Variants in BAP1 observed in about 807,000 individuals in gnomAD.
BAP1 encodes BRCA1 associated deubiquitinase 1.
Under a neutral mutation model 77.2 loss-of-function variants are expected in BAP1, and 16 were observed. The ratio of observed to expected loss-of-function variants is 0.21; its 90% CI spans 0.14 to 0.31. The LOEUF is 0.31. Ranked by LOEUF, BAP1 falls within the 10% of genes least tolerant of loss-of-function variation. The pLI, the probability that BAP1 is intolerant of heterozygous loss-of-function variation, is 1.00. For synonymous variants in BAP1, 362 were observed against 385.2 expected, an observed-to-expected ratio of 0.94 and a Z score of 0.71; for missense variants, 699 against 967.3, an observed-to-expected ratio of 0.72 and a Z score of 3.68.
intron 4 of BAP1, 45 bp downstream of exon 4, chr3:52,408,429 A>G (rs760948671): frequency 1.9e-6 from 3 of 1,602,150 alleles, no homozygotes; most frequent in Admixed American, 1.7e-5. Flanking sequence ...AAGCAAAAAC[A>G]TGGCAGCATC....
chr3:52,405,196 T>G lies in BAP1; in HGVS notation c.1030A>C (p.Asn344His), dbSNP rs1332735229. ...LVVKPPGSSLNGVHPNPTPIV... is the reference protein window; with the variant it reads ...LVVKPPGSSLHGVHPNPTPIV... ...GGAGTGGGGTTGGGGTGAACCCCATTGAGGCTGCTGCCTGGAGGCTTCACC... is the reference window on the plus strand; with the variant it reads ...GGAGTGGGGTTGGGGTGAACCCCATGGAGGCTGCTGCCTGGAGGCTTCACC... Residue 344 changes from asparagine (N) to histidine (H), a missense_variant, in exon 11 of 17, where the codon AAT becomes CAT. Transcript: ENST00000460680. The G allele has an allele frequency of 6.2e-6, 10 of 1,613,960 alleles. No individual in the cohort carries two copies. The highest frequency in any genetic ancestry group is 8.5e-6 in the Non-Finnish European group (10 of 1,180,026).
intron 5 of BAP1, among the ~76,000 whole-genome samples, chr3:52,407,737 G>A (rs1271465272): frequency 6.6e-6 from 1 of 152,206 alleles, no homozygotes; most frequent in Admixed American, 6.5e-5. Flanking sequence ...TCTGACTTAA[G>A]GAAACTCTCC....
intron 5 of BAP1, 132 bp downstream of exon 5, chr3:52,407,826 T>C (rs1705213973): frequency 2.8e-6 from 4 of 1,431,034 alleles, no homozygotes; most frequent in Admixed American, 2.0e-5. Flanking sequence ...AAGAGTCAAA[T>C]GTAACATAAA....
At chr3:52,407,020 C>T (rs1343486453) in intron 7 of BAP1, 113 bp from the exon 8 acceptor site, 10 of 1,489,020 alleles carry the variant, frequency 6.7e-6, no homozygotes, top group South Asian at 4.8e-5. Flanking sequence ...AGGAGCTGGT[C>T]GGGCAATATG....
At chr3:52,404,129 G>A (rs1256350528) in intron 12 of BAP1, among the ~76,000 whole-genome samples, 1 of 152,162 alleles carries the variant, frequency 6.6e-6, no homozygotes, top group African/African-American at 2.4e-5. Context: ...CTGGCCTTTT[G>A]CCAATGCCCT....
intron 5 of BAP1, 141 bp downstream of exon 5, chr3:52,407,815 TAA>T (rs1705213306): frequency 7.3e-7 from 1 of 1,378,884 alleles, no homozygotes; most frequent in African/African-American, 1.4e-5. Flanking sequence ...ACAATTTATT[TAA>T]GAGTCAAATG....
At chr3:52,405,331 AG>A in intron 10 of BAP1, 37 bp from the exon 11 acceptor site, 1 of 1,611,306 alleles carries the variant, frequency 6.2e-7, no homozygotes, top group Non-Finnish European at 8.5e-7. Context: ...GACCTCCAGT[AG>A]GATCTCCAAG....
chr3:52,406,718 G>T lies in BAP1; in HGVS notation c.659+111C>A. 2.4e-6 allele frequency: 3 copies of T among 1,245,694 alleles called. No individual in the cohort carries two copies. The highest frequency in any genetic ancestry group is 2.3e-6 in the Non-Finnish European group (2 of 878,612). 77.2% of individuals were successfully genotyped at this position (1,245,694 alleles called of 1,614,324 possible). A position where few individuals can be genotyped will look rare whatever the true frequency, so the allele number is the denominator to read the frequency against. Reference sequence around the variant, plus strand: ...GAACCCATGATCTAAGCCTGATCTTGCCAGATTCACCATATGGCCTTGCAA... The same window carrying T: ...GAACCCATGATCTAAGCCTGATCTTTCCAGATTCACCATATGGCCTTGCAA... On this transcript the variant is annotated intron_variant, in intron 8 of 16. Coordinates refer to ENST00000460680, the MANE Select transcript of BAP1 (RefSeq NM_004656.4). The surrounding 1 kb of genome is among the most constrained non-coding windows in gnomAD (Gnocchi z 4.6).
intron 2 of BAP1, 46 bp downstream of exon 2, chr3:52,409,668 G>T: frequency 6.2e-7 from 1 of 1,614,108 alleles, no homozygotes. Context: ...AGGGCGCAGG[G>T]GTGGGCCGCC....
At position 52,403,729 on chromosome 3, in the gene BAP1, C is replaced by T. The variant is rs375433595; in HGVS notation, c.1416G>A (p.Gly472=). Residue 472 remains glycine (G), a synonymous_variant, in exon 13 of 17, where the codon GGG becomes GGA. Transcript: ENST00000460680. This position sits in a 1 kb window ranked among gnomAD's most constrained non-coding sequence, Gnocchi z 4.0. ...PLSIKTSSGA[G]SPAVAVPTHS... ...GTGTGGGCACTGCCACAGCCGGACT[C>T]CCAGCCCCGCTGCTAGTCTTGATGG... The T allele has an allele frequency of 3.9e-5, 63 of 1,613,914 alleles. No individual in the cohort carries two copies. Among genetic ancestry groups the T allele is most frequent in the Non-Finnish European group, 5.2e-5 (61 of 1,180,018 alleles).
chr3:52,402,224 C>T lies in BAP1; in HGVS notation c.*64G>A. The T allele has an allele frequency of 1.9e-6, 3 of 1,571,632 alleles. No homozygotes were observed. The highest frequency in any genetic ancestry group is 2.6e-6 in the Non-Finnish European group (3 of 1,161,082). ...AATACTGGGAAAAGGGGAAGTGGGG[C>T]AGGGAAGGACCCTGGTGAGGGCCAC... On this transcript the variant is annotated 3_prime_UTR_variant, in exon 17 of 17. Transcript: ENST00000460680. This position sits in a 1 kb window ranked among gnomAD's most constrained non-coding sequence, Gnocchi z 5.3.
Position 52,402,564 on chromosome 3 carries a change from C to T in BAP1, c.2056+38G>A, listed in dbSNP as rs774286497. The T allele has an allele frequency of 3.1e-6, 5 of 1,613,002 alleles. No individual in the cohort carries two copies. Among genetic ancestry groups the T allele is most frequent in the Non-Finnish European group, 4.2e-6 (5 of 1,179,128 alleles). ...GGGAGCTGAAGGACACGGCCCTCAG[C>T]AGGGCATTCCAGTTAAGACAGCAGC... is the stretch of plus-strand genomic sequence containing the variant. On this transcript the variant is annotated intron_variant, in intron 16 of 16. Transcript: ENST00000460680. This position sits in a 1 kb window ranked among gnomAD's most constrained non-coding sequence, Gnocchi z 5.3.
At chr3:52,409,017 G>A (rs1455076898) in intron 3 of BAP1, among the ~76,000 whole-genome samples, 2 of 152,216 alleles carry the variant, frequency 1.3e-5, no homozygotes, top group Non-Finnish European at 2.9e-5. Context: ...GAAAGCAAAT[G>A]AACACCCACA....
Position 52,403,622 on chromosome 3 carries a change from C to T in BAP1, c.1523G>A (p.Arg508His), listed in dbSNP as rs1553644908. The change falls in exon 13 of 17, where the codon CGC becomes CAC. Residue 508 changes from arginine to histidine, a missense_variant. By Grantham distance (29) the Arg-to-His change is conservative (BLOSUM62 0). Coordinates refer to ENST00000460680, the MANE Select transcript of BAP1 (RefSeq NM_004656.4). This position sits in a 1 kb window ranked among gnomAD's most constrained non-coding sequence, Gnocchi z 4.0. ...EIGSAFNSPL[R>H]SPIRSANPTR... Reference sequence around the variant, plus strand: ...CGGGTTGGCTGAGCGGATAGGCGAGCGCAGTGGCGAGTTGAAAGCACTGCC... The same window carrying T: ...CGGGTTGGCTGAGCGGATAGGCGAGTGCAGTGGCGAGTTGAAAGCACTGCC... 3.7e-6 allele frequency: 6 copies of T among 1,614,006 alleles called. No homozygotes were observed. The highest frequency in any genetic ancestry group is 4.2e-6 in the Non-Finnish European group (5 of 1,179,958).
rs1705235390 is a variant in BAP1 at position 52,408,489 on chromosome 3, CAT to C, written c.238_239del (p.Met80ValfsTer45). 1 of 1,611,870 alleles carries C rather than the reference CAT, an allele frequency of 6.2e-7. No individual in the cohort carries two copies. The highest frequency in any genetic ancestry group is 8.5e-7 in the Non-Finnish European group (1 of 1,179,096). ...TCCAGCAGACCTGGTGGGCAAAGAA[CAT>C]GTTATTCACAATATCATCATCAATC... Reference protein sequence around the residue: ...SVIDDDIVNNMFFAHQLIPNS... With the variant: ...SVIDDDIVNNXFFAHQLIPNS... On this transcript the variant is annotated frameshift_variant, in exon 4 of 17. Transcript: ENST00000460680. LOFTEE classifies it high-confidence loss of function.
At position 52,404,574 on chromosome 3, in the gene BAP1, G is replaced by C. The variant is rs376033003; in HGVS notation, c.1129C>G (p.Leu377Val). 2.5e-6 allele frequency: 4 copies of C among 1,613,518 alleles called. No homozygotes were observed. Among genetic ancestry groups the C allele is most frequent in the Non-Finnish European group, 3.4e-6 (4 of 1,179,886 alleles). The change falls in exon 12 of 17, where the codon CTG (leucine) becomes GTG (valine). Residue 377 changes from leucine (L) to valine (V), a missense_variant. This residue lies in a region of BAP1 where 475 missense variants were observed against 532.4 expected (regional missense o/e 0.89). Transcript: ENST00000460680. Reference protein sequence around the residue: ...AKSPMQEEEDLAAGVGRSRVP... With the variant: ...AKSPMQEEEDVAAGVGRSRVP... ...CGGCTGCGGCCCACACCTGCCGCCA[G>C]GTCTTCTTCCTCCTGGGACAAAGAC... is the stretch of plus-strand genomic sequence containing the variant.
At chr3:52,408,712 C>A in intron 3 of BAP1, 106 bp from the exon 4 acceptor site, 1 of 1,384,894 alleles carries the variant, frequency 7.2e-7, no homozygotes. Context: ...ACTCAGGTGT[C>A]CTTGCTGTGA....
rs776641550 is a variant in BAP1 at position 52,407,465 on chromosome 3, G to A, written c.376-5C>T. 9 of 1,614,130 alleles carry A rather than the reference G, an allele frequency of 5.6e-6. No individual in the cohort carries two copies. The highest frequency in any genetic ancestry group is 2.2e-5 in the East Asian group (1 of 44,892). On this transcript the variant is annotated splice_polypyrimidine_tract_variant and splice_region_variant and intron_variant, in intron 5 of 16. Transcript: ENST00000460680. ...GCCAATCGCATATCCTTTGCTCTAC[G>A]GGGAAGAAAATAAGGCCGTATCAGA... is the stretch of plus-strand genomic sequence containing the variant.
chr3:52,405,357 T>A, intron 10 of BAP1, 63 bp from the exon 11 acceptor site: 1 of 1,598,288 alleles, frequency 6.3e-7, no homozygotes, highest in Non-Finnish European at 8.5e-7. Context: ...GCTCACAGTC[T>A]CCCCGGCCCT....
Sources: gnomAD v4.1 joint callset for allele counts (sites outside exome capture counted in the v4.1 genomes callset) on GRCh38, gnomAD v4.1.1 for gene constraint, gnomAD v4.1.1 regional missense constraint, Gnocchi (gnomAD v3.1) non-coding constraint, MANE v1.5 for transcripts, NCBI Gene and HGNC (gene_info 2026-07-23, HGNC 2026-07-21) for gene names.